The following PPP2R2C variants were observed in gnomAD, a reference collection of about 807,000 sequenced individuals.
The protein encoded by PPP2R2C is protein phosphatase 2 regulatory subunit Bgamma.
PPP2R2C carries 10 observed loss-of-function variants against 45.3 expected under a neutral mutation model. The ratio of observed to expected loss-of-function variants is 0.22; its 90% CI spans 0.14 to 0.37. The LOEUF (loss-of-function observed/expected upper bound fraction) is 0.37. Ranked by LOEUF, PPP2R2C falls within the 10% of genes least tolerant of loss-of-function variation. The probability of loss-of-function intolerance (pLI) is 1.00; values close to 1 mark genes in which losing one functional copy is unlikely to be tolerated. For synonymous variants in PPP2R2C, 257 were observed against 245.4 expected (o/e 1.05, Z -0.44); for missense variants, 308 against 619.7 (o/e 0.50, Z 5.34).
At chr4:6,467,700 T>C (rs1033210565) in intron 1 of PPP2R2C, among the ~76,000 whole-genome samples, 3 of 152,188 alleles carry the variant, frequency 2.0e-5, no homozygotes, top group Non-Finnish European at 4.4e-5. Flanking sequence ...TGGGGTGCTA[T>C]GGGCTGCAAG....
rs147324461 is a variant in PPP2R2C at position 6,531,746 on chromosome 4, G to A, written c.49+3525C>T. Among the ~76,000 whole-genome samples, 49 of 152,226 alleles carry A rather than the reference G, an allele frequency of 3.2e-4. 1 individual carries two copies. Among genetic ancestry groups the A allele is most frequent in the African/African-American group, 1.1e-3 (47 of 41,546 alleles). On this transcript the variant is annotated intron_variant, in intron 2 of 9. Transcript: ENST00000506140. The stretch of plus-strand genomic sequence containing the variant: ...ACTGTTCCAACATACGTCCACTTAA[G>A]GTAAAGCCCGGAGTCTCCCTACCTT...
chr4:6,536,256 G>A (rs1403208492), intron 1 of PPP2R2C, among the ~76,000 whole-genome samples: 1 of 152,208 alleles, frequency 6.6e-6, no homozygotes, highest in Non-Finnish European at 1.5e-5. Context: ...TTCAAAGAAG[G>A]TAAGATGTTT....
intron 2 of PPP2R2C, among the ~76,000 whole-genome samples, chr4:6,512,089 G>A (rs1409092273): frequency 6.3e-5 from 3 of 47,330 alleles, no homozygotes; most frequent in Admixed American, 4.7e-4. Flanking sequence ...GCTGATGGTG[G>A]TGGTGGTGGT....
Position 6,364,967 on chromosome 4 carries a change from C to T in PPP2R2C, c.625+7556G>A, listed in dbSNP as rs567535138. 5.3e-4 allele frequency among the ~76,000 whole-genome samples: 81 copies of T among 152,308 alleles called. No homozygotes were observed. Among genetic ancestry groups the T allele is most frequent in the African/African-American group, 1.9e-3 (79 of 41,562 alleles). ...AAGTTCACCTGGATAGCATCAGGAT[C>T]CCCATTCACTCAGAAAGTGCCTTTG... On this transcript the variant is annotated intron_variant, in intron 5 of 8. Transcript: ENST00000382599. The surrounding 1 kb of genome is among the most constrained non-coding windows in gnomAD (Gnocchi z 5.3).
chr4:6,457,735 C>T (rs6829585), intron 1 of PPP2R2C, among the ~76,000 whole-genome samples: 94,293 of 152,020 alleles, frequency 0.62, 30,792 homozygotes, highest in East Asian at 0.8. Flanking sequence ...TTTAAAGCAT[C>T]AGAAACATTG....
upstream of PPP2R2C, among the ~76,000 whole-genome samples, chr4:6,476,691 CT>C (rs1193206842): frequency 6.6e-6 from 1 of 152,170 alleles, no homozygotes; most frequent in Non-Finnish European, 1.5e-5. Context: ...CCCATCTTGA[CT>C]TTTAACACTG....
At chr4:6,425,840 G>A (rs1056506132) in intron 1 of PPP2R2C, among the ~76,000 whole-genome samples, 5 of 151,670 alleles carry the variant, frequency 3.3e-5, no homozygotes, top group Non-Finnish European at 7.4e-5. Context: ...TGTGTGTGGT[G>A]TGTGTGTTAT....
At chr4:6,492,590 T>C (rs1193080954) in intron 2 of PPP2R2C, among the ~76,000 whole-genome samples, 1 of 152,188 alleles carries the variant, frequency 6.6e-6, no homozygotes, top group Non-Finnish European at 1.5e-5. Flanking sequence ...TGCTGTTTTT[T>C]AGAGATCAGT....
At chr4:6,559,761 C>A in intron 1 of PPP2R2C, among the ~76,000 whole-genome samples, 1 of 152,210 alleles carries the variant, frequency 6.6e-6, no homozygotes, top group East Asian at 1.9e-4. Context: ...ATCCGTGAAC[C>A]AGAACGCAGG....
Position 6,471,800 on chromosome 4 carries a change from C to T in PPP2R2C, c.70+360G>A, listed in dbSNP as rs1721901196. 4.1e-6 allele frequency: 1 copy of T among 246,460 alleles called. No homozygotes were observed. Among genetic ancestry groups the T allele is most frequent in the Non-Finnish European group, 7.8e-6 (1 of 127,860 alleles). The allele number at this position is 246,460 out of a possible 1,614,324, so 15.3% of individuals were successfully genotyped here. A position where few individuals can be genotyped will look rare whatever the true frequency, so the allele number is the denominator to read the frequency against. On this transcript the variant is annotated intron_variant, in intron 1 of 8. Transcript: ENST00000382599. The surrounding 1 kb of genome is among the most constrained non-coding windows in gnomAD (Gnocchi z 5.6). Reference sequence around the variant, plus strand: ...TCCAGGATTTAAACCATTAAATTTCCCCGAGATTTCTTCACCAGATTAGCC... The same window carrying T: ...TCCAGGATTTAAACCATTAAATTTCTCCGAGATTTCTTCACCAGATTAGCC...
chr4:6,388,876 T>G (rs1716409517), intron 1 of PPP2R2C, among the ~76,000 whole-genome samples: 1 of 152,156 alleles, frequency 6.6e-6, no homozygotes, highest in Non-Finnish European at 1.5e-5. Context: ...TTTGTAGCAC[T>G]TTGTCACAGC....
intron 1 of PPP2R2C, among the ~76,000 whole-genome samples, chr4:6,545,885 A>G (rs1403914498): frequency 1.3e-5 from 2 of 152,144 alleles, no homozygotes; most frequent in East Asian, 3.8e-4. Context: ...TCTACTGTTG[A>G]TTTAGCTACA....
intron 2 of PPP2R2C, among the ~76,000 whole-genome samples, chr4:6,526,613 G>A (rs1724218027): frequency 6.6e-6 from 1 of 152,074 alleles, no homozygotes; most frequent in Admixed American, 6.5e-5. Context: ...TGCCTGCCTG[G>A]CCCTGGGCAG....
chr4:6,424,632 C>T (rs779494287), intron 1 of PPP2R2C, among the ~76,000 whole-genome samples: 11 of 152,162 alleles, frequency 7.2e-5, no homozygotes, highest in Non-Finnish European at 1.0e-4. Flanking sequence ...CCTCCAGAGG[C>T]GGCTGTGGTG....
intron 2 of PPP2R2C, among the ~76,000 whole-genome samples, chr4:6,517,854 C>T (rs1020050151): frequency 2.6e-5 from 4 of 152,102 alleles, no homozygotes; most frequent in Non-Finnish European, 5.9e-5. Context: ...GTCCATATTA[C>T]CTGGGAAGTT....
At chr4:6,535,494 G>T in intron 1 of PPP2R2C, 2 of 683,972 alleles carry the variant, frequency 2.9e-6, no homozygotes, top group Admixed American at 5.6e-5. Flanking sequence ...GCCGCCGCCC[G>T]GCACAGCTCC....
intron 2 of PPP2R2C, among the ~76,000 whole-genome samples, chr4:6,524,328 G>A (rs770060028): frequency 1.3e-5 from 2 of 152,224 alleles, no homozygotes; most frequent in African/African-American, 2.4e-5. Context: ...CCATTTCCAT[G>A]CACTGTCCAG....
rs892582972 is a variant in PPP2R2C at position 6,368,557 on chromosome 4, G to A, written c.625+3966C>T. Among the ~76,000 whole-genome samples the A allele has an allele frequency of 6.6e-5, 10 of 152,278 alleles. No homozygotes were observed. Among genetic ancestry groups the A allele is most frequent in the Admixed American group, 1.3e-4 (2 of 15,296 alleles). ...GGACGGGACAGGAGGCAAGGCTCAC[G>A]GTAACGGCCAGGGAGGACTTTGCAG... On this transcript the variant is annotated intron_variant, in intron 5 of 8. Transcript: ENST00000382599. This position sits in a 1 kb window ranked among gnomAD's most constrained non-coding sequence, Gnocchi z 4.2.
intron 1 of PPP2R2C, among the ~76,000 whole-genome samples, chr4:6,460,340 G>A (rs1721260270): frequency 6.6e-6 from 1 of 152,208 alleles, no homozygotes; most frequent in South Asian, 2.1e-4. Context: ...TGAAGACACA[G>A]TAGGGAGATG....
Sources: allele counts gnomAD v4.1 joint callset (sites outside exome capture counted in the v4.1 genomes callset), GRCh38; gene constraint gnomAD v4.1.1; non-coding constraint Gnocchi (gnomAD v3.1); transcripts MANE v1.5; gene names NCBI Gene and HGNC (gene_info 2026-07-23, HGNC 2026-07-21).